ABCA4: variants seen among roughly 807,000 people sequenced by gnomAD.
ABCA4 encodes the protein retinal-specific phospholipid-transporting ATPase ABCA4.
Under a neutral mutation model 263.7 loss-of-function variants are expected in ABCA4, and 196 were observed. That is an observed-to-expected ratio of 0.74 (90% confidence interval 0.66 to 0.84). The LOEUF (loss-of-function observed/expected upper bound fraction) is 0.84, where lower values mean the gene tolerates loss of function less well. Ranked by LOEUF, ABCA4 falls within the 40% of genes least tolerant of loss-of-function variation. The pLI is 0.00. For missense variants in ABCA4, 2,792 were observed against 2,855.1 expected, an observed-to-expected ratio of 0.98 and a Z score of 0.50; for synonymous variants, 1,133 against 1,094.2, an observed-to-expected ratio of 1.04 and a Z score of -0.70.
chr1:94,086,676 C>G (rs1352973619), intron 6 of ABCA4, among the ~76,000 whole-genome samples: 1 of 152,128 alleles, frequency 6.6e-6, no homozygotes, highest in East Asian at 1.9e-4. Context: ...ACATATCCTT[C>G]CAGAAGCACG....
intron 23 of ABCA4, among the ~76,000 whole-genome samples, chr1:94,040,635 G>A (rs6703052): frequency 6.6e-6 from 1 of 152,024 alleles, no homozygotes. Context: ...TTAGCTTCAT[G>A]TTCCATGTGA....
chr1:94,103,086 G>A lies in ABCA4; in HGVS notation c.499C>T (p.Leu167Phe). 8.1e-6 allele frequency: 13 copies of A among 1,614,140 alleles called. No individual in the cohort carries two copies. Among genetic ancestry groups the A allele is most frequent in the Non-Finnish European group, 1.0e-5 (12 of 1,180,002 alleles). Residue 167 changes from leucine to phenylalanine, a missense_variant, in exon 5 of 50, where the codon CTC becomes TTC. Physicochemically the swap from Leu to Phe is conservative, Grantham distance 22 (BLOSUM62 0). Transcript: ENST00000370225. The stretch of plus-strand genomic sequence containing the variant: ...TCAGACAGGCCGATGTTTTTAATGA[G>A]AAATAGTGTCAGTGTTTCTTCATCT... ...LKDEETLTLF[L>F]IKNIGLSDSV...
At chr1:94,103,521 G>C (rs1405165096) in intron 4 of ABCA4, among the ~76,000 whole-genome samples, 1 of 152,150 alleles carries the variant, frequency 6.6e-6, no homozygotes, top group Non-Finnish European at 1.5e-5. Context: ...GTCACAACTG[G>C]GGAGGTGCTG....
chr1:94,044,541 G>A lies in ABCA4; in HGVS notation c.3050+72C>T, dbSNP rs1660617343. The A allele has an allele frequency of 1.2e-5, 19 of 1,612,162 alleles. No individual in the cohort carries two copies. In the South Asian group the frequency reaches 2.1e-4, roughly 18 times the overall value. On this transcript the variant is annotated intron_variant, in intron 20 of 49. Coordinates refer to ENST00000370225, the MANE Select transcript of ABCA4 (RefSeq NM_000350.3). ...CCCAGGCCTGGCACCCCTGAGCTGG[G>A]CTCTAGAGAAGTGTGCTGGGGGCAG...
Position 94,060,675 on chromosome 1 carries a change from G to A in ABCA4, c.2022C>T (p.Ile674=), listed in dbSNP as rs776425626. The stretch of plus-strand genomic sequence containing the variant: ...TCAGTCGCAACTCCTTCTCCAAGAC[G>A]ATGCTCTTCACAGTCATGGAGACAG... ...IYSVSMTVKS[I]VLEKELRLKE... is the part of the protein sequence containing the mutation. Residue 674 remains isoleucine (I), a synonymous_variant, in exon 14 of 50, where the codon ATC becomes ATT. Transcript: ENST00000370225. 2.4e-5 allele frequency: 38 copies of A among 1,613,976 alleles called. No homozygotes were observed. Among genetic ancestry groups the A allele is most frequent in the Non-Finnish European group, 2.8e-5 (33 of 1,180,000 alleles).
chr1:94,036,435 G>T (rs986696281), intron 26 of ABCA4, among the ~76,000 whole-genome samples: 1 of 150,304 alleles, frequency 6.7e-6, no homozygotes, highest in Non-Finnish European at 1.5e-5. Context: ...GCAGTGCAGT[G>T]GCACAATCTC....
intron 6 of ABCA4, among the ~76,000 whole-genome samples, chr1:94,098,000 G>A (rs1301181988): frequency 3.3e-5 from 5 of 152,046 alleles, no homozygotes; most frequent in Admixed American, 6.6e-5. Context: ...CTCATGATCC[G>A]CCCGCCTCGG....
At chr1:94,042,301 C>G (rs1345016585) in intron 22 of ABCA4, among the ~76,000 whole-genome samples, 1 of 152,030 alleles carries the variant, frequency 6.6e-6, no homozygotes, top group Admixed American at 6.5e-5. Context: ...ATCTGAGCCC[C>G]TTGTCTGAGA....
chr1:94,103,130 C>T lies in ABCA4; in HGVS notation c.455G>A (p.Arg152Gln), dbSNP rs62646862. 4.3e-3 allele frequency: 6,892 copies of T among 1,613,942 alleles called. 28 individuals are homozygous for T. Among genetic ancestry groups the T allele is most frequent in the Non-Finnish European group, 5.1e-3 (6,028 of 1,179,932 alleles). Residue 152 changes from arginine (R) to glutamine (Q), a missense_variant, in exon 5 of 50, where the codon CGA becomes CAA. Coordinates refer to ENST00000370225, the MANE Select transcript of ABCA4 (RefSeq NM_000350.3). ...TTCATCTTTCAAGATATCCCTTATT[C>T]GTATTCCTCTTCCTACATATGAATA... ...HPERIAGRGI[R>Q]IRDILKDEET...
At chr1:94,088,819 T>C (rs978714206) in intron 6 of ABCA4, among the ~76,000 whole-genome samples, 1 of 145,040 alleles carries the variant, frequency 6.9e-6, no homozygotes, top group African/African-American at 2.5e-5. Context: ...TCCTAGATAA[T>C]AGGAAGGCAT....
rs1175512337 is a variant in ABCA4, at chr1:93,993,010, ATTTG to A, written c.*223_*226del. 7 of 592,332 alleles carry A rather than the reference ATTTG, an allele frequency of 1.2e-5. No homozygotes were observed. Among genetic ancestry groups the A allele is most frequent in the Non-Finnish European group, 2.1e-5 (7 of 336,288 alleles). 36.7% of individuals were successfully genotyped at this position (592,332 alleles called of 1,614,324 possible). A position where few individuals can be genotyped will look rare whatever the true frequency, so the allele number is the denominator to read the frequency against. The stretch of plus-strand genomic sequence containing the variant: ...TCTGGGGTCTGGAGAAGGATTTTGT[ATTTG>A]TTTGGTTTCACCATCAGGTGTTCCA... On this transcript the variant is annotated 3_prime_UTR_variant, in exon 50 of 50. Transcript: ENST00000370225.
intron 49 of ABCA4, among the ~76,000 whole-genome samples, chr1:93,993,737 T>G (rs1557756072): frequency 6.6e-6 from 1 of 151,924 alleles, no homozygotes; most frequent in Non-Finnish European, 1.5e-5. Context: ...GATATTAGGC[T>G]CCAGATCAAA....
intron 1 of ABCA4, among the ~76,000 whole-genome samples, chr1:94,118,401 G>C (rs1662859037): frequency 6.6e-6 from 1 of 152,218 alleles, no homozygotes; most frequent in South Asian, 2.1e-4. Flanking sequence ...AGGAGACATG[G>C]AGGTTTGAGG....
At position 94,111,446 on chromosome 1, in the gene ABCA4, G is replaced by C. The variant is rs145133167; in HGVS notation, c.294C>G (p.Asn98Lys). 66 of 1,613,904 alleles carry C rather than the reference G, an allele frequency of 4.1e-5. No homozygotes were observed. In the African/African-American group the frequency reaches 8.7e-4, roughly 21 times the overall value. The change falls in exon 3 of 50, where the codon AAC becomes AAG. Residue 98 changes from asparagine (N) to lysine (K), a missense_variant. Physicochemically the swap from Asn to Lys is moderately conservative, Grantham distance 94. Transcript: ENST00000370225. Reference protein sequence around the residue: ...GESPGIVSNYNNSILARVYRD... With the variant: ...GESPGIVSNYKNSILARVYRD... ...GGGATCTCAACACTTACATGGAGTT[G>C]TTATAGTTTGACACAATTCCAGGAG...
Position 94,044,736 on chromosome 1 carries a change from A to G in ABCA4, c.2927T>C (p.Leu976Pro). 6.2e-7 allele frequency: 1 copy of G among 1,614,242 alleles called. No homozygotes were observed. The highest frequency in any genetic ancestry group is 8.5e-7 in the Non-Finnish European group (1 of 1,180,032). Reference protein sequence around the residue: ...GAGKTTTLSILTGLLPPTSGT... With the variant: ...GAGKTTTLSIPTGLLPPTSGT... ...AGAGGTTGGTGGCAACAGACCCGTC[A>G]GGATGGACCTGCAGAACACAGGCGT... The change falls in exon 20 of 50, where the codon CTG becomes CCG. Residue 976 changes from leucine (L) to proline (P), a missense_variant. Coordinates refer to ENST00000370225, the MANE Select transcript of ABCA4 (RefSeq NM_000350.3).
Position 94,030,459 on chromosome 1 carries a change from CA to C in ABCA4, c.4320del (p.Phe1440LeufsTer6). ...LADVLLNKPGFGNRCLKEGWL... is the reference protein window; with the variant it reads ...LADVLLNKPGXGNRCLKEGWL... ...CACCCTTCCTTCAGGCAGCGGTTGCCAAAGCCTGGCTTATTCAGGAGGACGT... is the reference window on the plus strand; with the variant it reads ...CACCCTTCCTTCAGGCAGCGGTTGCCAAGCCTGGCTTATTCAGGAGGACGT... On this transcript the variant is annotated frameshift_variant, in exon 29 of 50. Transcript: ENST00000370225. LOFTEE classifies it high-confidence loss of function. 1 of 1,614,206 alleles carries C rather than the reference CA, an allele frequency of 6.2e-7. No homozygotes were observed. The highest frequency in any genetic ancestry group is 8.5e-7 in the Non-Finnish European group (1 of 1,180,030).
chr1:94,080,549 T>C lies in ABCA4; in HGVS notation c.1028A>G (p.Asn343Ser), dbSNP rs1392115832. The change falls in exon 8 of 50, where the codon AAT (asparagine) becomes AGT (serine). Residue 343 changes from asparagine to serine, a missense_variant. Asn to Ser is a conservative substitution (Grantham distance 46, BLOSUM62 1). Transcript: ENST00000370225. ...AATCCCCAGAAAGGCCTTATAGTTA[T>C]TGTCTTCATACCAGTTGAAGGAGAG... Reference protein sequence around the residue: ...RVLSFNWYEDNNYKAFLGIDS... With the variant: ...RVLSFNWYEDSNYKAFLGIDS... 5 of 1,614,162 alleles carry C rather than the reference T, an allele frequency of 3.1e-6. No homozygotes were observed. Among genetic ancestry groups the C allele is most frequent in the South Asian group, 2.2e-5 (2 of 91,086 alleles).
chr1:93,998,885 C>T (rs1460767260), intron 47 of ABCA4, among the ~76,000 whole-genome samples: 1 of 150,876 alleles, frequency 6.6e-6, no homozygotes, highest in Non-Finnish European at 1.5e-5. Flanking sequence ...ACTACAGGCA[C>T]CTGCCACCAC....
At chr1:94,014,943 T>C (rs1257583598) in intron 37 of ABCA4, among the ~76,000 whole-genome samples, 2 of 152,296 alleles carry the variant, frequency 1.3e-5, no homozygotes, top group African/African-American at 4.8e-5. Flanking sequence ...ATATACTCTG[T>C]AAACTACAAA....
Sources: gnomAD v4.1 joint callset for allele counts (sites outside exome capture counted in the v4.1 genomes callset) on GRCh38, gnomAD v4.1.1 for gene constraint, MANE v1.5 for transcripts, NCBI Gene and HGNC (gene_info 2026-07-23, HGNC 2026-07-21) for gene names.